The following CCDC33 variants were observed in gnomAD, a reference collection of about 807,000 sequenced individuals.
CCDC33 encodes the protein coiled-coil domain containing 33.
Under a neutral mutation model 91.9 loss-of-function variants are expected in CCDC33, and 94 were observed. The observed-to-expected ratio is 1.02, with a 90% CI of 0.87 to 1.21. The LOEUF is 1.21. Ranked by LOEUF, CCDC33 falls within the 50% of genes most tolerant of loss-of-function variation. CCDC33 has a pLI of 0.00. For synonymous variants in CCDC33, 396 were observed against 374.5 expected (o/e 1.06, Z -0.66); for missense variants, 940 against 935.5 (o/e 1.00, Z -0.06).
intron 10 of CCDC33, among the ~76,000 whole-genome samples, chr15:74,287,521 G>C (rs1187312685): frequency 6.6e-6 from 1 of 152,106 alleles, no homozygotes; most frequent in Non-Finnish European, 1.5e-5. Flanking sequence ...AGAAAACTTA[G>C]AGCTGGGCGT....
intron 2 of CCDC33, chr15:74,212,057 T>C (rs1229272253): frequency 6.6e-6 from 1 of 152,552 alleles, no homozygotes; most frequent in African/African-American, 2.4e-5. Context: ...CCTAAATCTC[T>C]GATCTTGGGC....
At chr15:74,297,353 T>A (rs533937482) in intron 11 of CCDC33, among the ~76,000 whole-genome samples, 1 of 152,298 alleles carries the variant, frequency 6.6e-6, no homozygotes, top group East Asian at 1.9e-4. Context: ...CCTCTCCACA[T>A]CCTGGCCTCG....
At chr15:74,335,643 C>T in intron 18 of CCDC33, 1 of 395,220 alleles carries the variant, frequency 2.5e-6, no homozygotes, top group South Asian at 3.8e-5. Context: ...CTGTGCTTTG[C>T]CCGTGGCCAG....
At chr15:74,281,891 A>G in intron 10 of CCDC33, 42 bp downstream of exon 10, 1 of 1,553,542 alleles carries the variant, frequency 6.4e-7, no homozygotes, top group Non-Finnish European at 8.9e-7. Context: ...CAGCAGGCAC[A>G]TGTCAGTGAG....
intron 2 of CCDC33, among the ~76,000 whole-genome samples, chr15:74,247,696 G>A (rs533568212): frequency 6.6e-6 from 1 of 152,280 alleles, no homozygotes; most frequent in East Asian, 1.9e-4. Flanking sequence ...AGGGAAATGA[G>A]GAAATGTTGG....
Position 74,266,682 on chromosome 15 carries a change from G to C in CCDC33, c.324G>C (p.Val108=). 1 of 1,612,392 alleles carries C rather than the reference G, an allele frequency of 6.2e-7. No homozygotes were observed. Among genetic ancestry groups the C allele is most frequent in the Non-Finnish European group, 8.5e-7 (1 of 1,178,460 alleles). The change falls in exon 4 of 19, where the codon GTG becomes GTC. Residue 108 remains valine (V), a synonymous_variant. Coordinates refer to ENST00000398814, the MANE Select transcript of CCDC33 (RefSeq NM_025055.5). ...GCTCATTTTTTCTCTTTCCAGATGT[G>C]ATCCTCAAGGTGGTGGACAACAGAA... ...IQAEDAGQED[V]ILKVVDNRKK...
rs777474975 is a variant in CCDC33 at position 74,262,416 on chromosome 15, T to A, written c.186-24T>A. The stretch of plus-strand genomic sequence containing the variant: ...AGCAGACAGAACCCCTCCCTTTGAC[T>A]CACCCTGCCCCTGCTCTCCCCAGGA... On this transcript the variant is annotated intron_variant, in intron 2 of 18. Coordinates refer to ENST00000398814, the MANE Select transcript of CCDC33 (RefSeq NM_025055.5). 4.3e-6 allele frequency: 7 copies of A among 1,612,940 alleles called. No individual in the cohort carries two copies. The Admixed American group carries it at 1.2e-4, about 27-fold the overall frequency.
chr15:74,330,243 CT>C lies in CCDC33; in HGVS notation c.1346del (p.Leu449ArgfsTer15), dbSNP rs1437979081. 1.2e-6 allele frequency: 2 copies of C among 1,613,180 alleles called. No individual in the cohort carries two copies. Among genetic ancestry groups the C allele is most frequent in the Admixed American group, 3.3e-5 (2 of 59,984 alleles). ...GAAGATGGCAGAGGACATCCTGTCT[CT>C]GCGGAGACAGGCCAGCATCCTGGAA... ...MQKMAEDILS[L>X]RRQASILEGE... is the part of the protein sequence containing the mutation. On this transcript the variant is annotated frameshift_variant, in exon 12 of 19. Transcript: ENST00000398814. LOFTEE classifies it high-confidence loss of function.
chr15:74,225,709 G>C (rs764655095), intron 2 of CCDC33, among the ~76,000 whole-genome samples: 5 of 152,182 alleles, frequency 3.3e-5, no homozygotes, highest in Non-Finnish European at 5.9e-5. Context: ...TTGGGGACAT[G>C]GCATATGTGA....
At chr15:74,255,975 T>G (rs1181474082) in intron 2 of CCDC33, among the ~76,000 whole-genome samples, 2 of 152,234 alleles carry the variant, frequency 1.3e-5, no homozygotes, top group African/African-American at 2.4e-5. Flanking sequence ...TTTCCAGTGG[T>G]CTGTCCCTTC....
intron 2 of CCDC33, among the ~76,000 whole-genome samples, chr15:74,224,427 C>T (rs1414710817): frequency 1.3e-5 from 2 of 152,176 alleles, no homozygotes; most frequent in East Asian, 3.9e-4. Flanking sequence ...TGTGTCCTTG[C>T]CCAAGCCTGT....
chr15:74,277,547 C>G (rs1165401825), intron 7 of CCDC33, among the ~76,000 whole-genome samples: 2 of 152,252 alleles, frequency 1.3e-5, no homozygotes, highest in Non-Finnish European at 2.9e-5. Context: ...TGTGGCCCTT[C>G]CATTAGCATC....
intron 1 of CCDC33, chr15:74,207,750 C>T (rs540907096): frequency 8.5e-6 from 13 of 1,535,612 alleles, no homozygotes; most frequent in Non-Finnish European, 1.1e-5. Context: ...AGAGAGTCAA[C>T]CTCATGCGGG....
intron 1 of CCDC33, among the ~76,000 whole-genome samples, chr15:74,237,460 A>G (rs1397236565): frequency 6.6e-6 from 1 of 152,254 alleles, no homozygotes; most frequent in Non-Finnish European, 1.5e-5. Context: ...GACCAAAGGC[A>G]CACAGATACT....
intron 10 of CCDC33, among the ~76,000 whole-genome samples, chr15:74,288,715 A>G (rs1030448543): frequency 6.6e-6 from 1 of 152,152 alleles, no homozygotes; most frequent in Admixed American, 6.5e-5. Flanking sequence ...TGATTTTATC[A>G]TGCAACACAC....
chr15:74,271,894 C>T (rs575284369), intron 6 of CCDC33, 100 bp downstream of exon 6: 59 of 984,424 alleles, frequency 6.0e-5, no homozygotes, highest in African/African-American at 5.2e-4. Flanking sequence ...CCAGGACCTC[C>T]GGCAACCCCT....
In CCDC33 at chr15:74,209,236, G is replaced by A. The variant is rs7179079; in HGVS notation, n.90-152G>A. 1,863 of 1,135,544 alleles carry A rather than the reference G, an allele frequency of 1.6e-3. 18 individuals carry two copies. The African/African-American group carries it at 0.025, about 15-fold the overall frequency. The allele number at this position is 1,135,544 out of a possible 1,614,324, so 70.3% of individuals were successfully genotyped here. ...TATAGCCTCTCCACACCCCCAAACC[G>A]TTTGCTCGAAACTTGATCTCCTTGG... On this transcript the variant is annotated intron_variant and non_coding_transcript_variant, in intron 1 of 3. Coordinates refer to the CCDC33 transcript ENST00000558645.
chr15:74,319,855 C>T (rs2060170681), intron 11 of CCDC33, among the ~76,000 whole-genome samples: 1 of 152,214 alleles, frequency 6.6e-6, no homozygotes, highest in African/African-American at 2.4e-5. Context: ...CCCTGCCACC[C>T]CTCCAAGCTT....
chr15:74,333,926 C>A lies in CCDC33; in HGVS notation c.1984C>A (p.Leu662Met), dbSNP rs745790270. The change falls in exon 17 of 19, where the codon CTG becomes ATG. Residue 662 changes from leucine to methionine, a missense_variant. Transcript: ENST00000398814. The stretch of plus-strand genomic sequence containing the variant: ...AGACAAGTTCAACCTCCTGGCCAAG[C>A]TGGAACACGCTCAGAGCCGGATCCT... ...TSDKFNLLAK[L>M]EHAQSRILSL... The A allele has an allele frequency of 5.6e-6, 9 of 1,613,756 alleles. No homozygotes were observed. In the Admixed American group the frequency reaches 1.5e-4, roughly 27 times the overall value.
Sources: allele counts gnomAD v4.1 joint callset (sites outside exome capture counted in the v4.1 genomes callset), GRCh38; gene constraint gnomAD v4.1.1; transcripts MANE v1.5; gene names NCBI Gene and HGNC (gene_info 2026-07-23, HGNC 2026-07-21).